The following APC variants were observed in gnomAD, a reference collection of about 807,000 sequenced individuals.
APC encodes the protein APC regulator of Wnt signaling pathway.
A neutral mutation model predicts 247.0 loss-of-function variants in APC; 72 were observed. That is an observed-to-expected ratio of 0.29 (90% CI 0.24 to 0.35). The LOEUF is 0.35. APC is among the 10% of genes least tolerant of loss of function. The pLI, the probability that APC is intolerant of heterozygous loss-of-function variation, is 1.00. For synonymous variants in APC, 1,254 were observed against 1,162.5 expected, an observed-to-expected ratio of 1.08 and a Z score of -1.60; for missense variants, 3,400 against 3,360.7, an observed-to-expected ratio of 1.01 and a Z score of -0.29.
At chr5:112,782,890 G>A (rs963980738) in intron 6 of APC, among the ~76,000 whole-genome samples, 3 of 151,926 alleles carry the variant, frequency 2.0e-5, no homozygotes, top group Non-Finnish European at 2.9e-5. Flanking sequence ...CTAAAATCAA[G>A]AATATATAAA....
chr5:112,833,631 A>G (rs1442199573), intron 14 of APC, among the ~76,000 whole-genome samples: 2 of 151,980 alleles, frequency 1.3e-5, no homozygotes, highest in African/African-American at 4.8e-5. Context: ...GCACATGGCA[A>G]GTTTTGACCA....
intron 6 of APC, among the ~76,000 whole-genome samples, chr5:112,784,548 T>C (rs1043552266): frequency 1.3e-5 from 2 of 152,224 alleles, no homozygotes; most frequent in Non-Finnish European, 2.9e-5. Flanking sequence ...TATTTTAAAT[T>C]ATTAAATGAA....
chr5:112,757,887 G>A (rs761466623), intron 2 of APC, among the ~76,000 whole-genome samples: 1 of 152,062 alleles, frequency 6.6e-6, no homozygotes, highest in African/African-American at 2.4e-5. Flanking sequence ...TGTATATTAA[G>A]GAAATATTTA....
chr5:112,716,327 T>C (rs529138971), intron 1 of APC, among the ~76,000 whole-genome samples: 1 of 152,216 alleles, frequency 6.6e-6, no homozygotes, highest in Non-Finnish European at 1.5e-5. Context: ...TTATGATTTA[T>C]ACTTTGACTT....
At chr5:112,728,492 T>C (rs1216682097) in intron 1 of APC, among the ~76,000 whole-genome samples, 1 of 152,188 alleles carries the variant, frequency 6.6e-6, no homozygotes, top group Non-Finnish European at 1.5e-5. Flanking sequence ...AGCCAAAATA[T>C]TGGACATCCC....
chr5:112,806,047 T>G (rs1159063052), intron 8 of APC, among the ~76,000 whole-genome samples: 1 of 152,182 alleles, frequency 6.6e-6, no homozygotes, highest in East Asian at 1.9e-4. Flanking sequence ...TTACTGGGCC[T>G]TCTCCTACCA....
At position 112,839,236 on chromosome 5, in the gene APC, C is replaced by A. The variant is rs1554085201; in HGVS notation, c.3642C>A (p.Ser1214Arg). The A allele has an allele frequency of 6.2e-7, 1 of 1,614,174 alleles. No homozygotes were observed. The highest frequency in any genetic ancestry group is 8.5e-7 in the Non-Finnish European group (1 of 1,180,036). Residue 1214 changes from serine to arginine, a missense_variant, in exon 16 of 16, where the codon AGC becomes AGA. Physicochemically the swap from Ser to Arg is moderately radical, Grantham distance 110. Around this residue, in one of 9 missense-constraint regions of APC, gnomAD observed 715 missense variants for 656.6 expected, o/e 1.09. Transcript: ENST00000257430. This position sits in a 1 kb window ranked among gnomAD's most constrained non-coding sequence, Gnocchi z 5.0. Reference protein sequence around the residue: ...QSSKTEHMSSSSENTSTPSSN... With the variant: ...QSSKTEHMSSRSENTSTPSSN... ...GTAAAACCGAACATATGTCTTCAAG[C>A]AGTGAGAATACGTCCACACCTTCAT...
Position 112,838,937 on chromosome 5 carries a change from G to C in APC, c.3343G>C (p.Val1115Leu), listed in dbSNP as rs763392909. ...AGCCAATGGTTCAGAAACAAATCGA[G>C]TGGGTTCTAATCATGGAATTAATCA... ...RGANGSETNRVGSNHGINQNV... is the reference protein window; with the variant it reads ...RGANGSETNRLGSNHGINQNV... Residue 1115 changes from valine to leucine, a missense_variant, in exon 16 of 16, where the codon GTG becomes CTG. Val to Leu is a conservative substitution (Grantham distance 32, BLOSUM62 1). This residue lies in a region of APC where 715 missense variants were observed against 656.6 expected (regional missense o/e 1.09). Coordinates refer to ENST00000257430, the MANE Select transcript of APC (RefSeq NM_000038.6). 6.2e-7 allele frequency: 1 copy of C among 1,614,080 alleles called. No homozygotes were observed. Among genetic ancestry groups the C allele is most frequent in the South Asian group, 1.1e-5 (1 of 91,084 alleles).
chr5:112,713,960 T>C (rs1194528141), intron 1 of APC, among the ~76,000 whole-genome samples: 1 of 152,206 alleles, frequency 6.6e-6, no homozygotes, highest in Non-Finnish European at 1.5e-5. Flanking sequence ...GCCGAGCCTA[T>C]ACGTAAGATT....
At position 112,844,700 on chromosome 5, in the gene APC, T is replaced by G. The variant is rs886059805; in HGVS notation, c.*574T>G. On this transcript the variant is annotated 3_prime_UTR_variant, in exon 16 of 16. Coordinates refer to ENST00000257430, the MANE Select transcript of APC (RefSeq NM_000038.6). ...TTTCAGAAGTAATGATTAACAGTTA[T>G]GTGGTCACATGATGTGCATAGAGAT... 4.3e-6 allele frequency: 1 copy of G among 232,642 alleles called. No individual in the cohort carries two copies. Among genetic ancestry groups the G allele is most frequent in the African/African-American group, 2.2e-5 (1 of 45,276 alleles). 14.4% of individuals were successfully genotyped at this position (232,642 alleles called of 1,614,324 possible).
chr5:112,813,957 G>A (rs751987264), intron 8 of APC, among the ~76,000 whole-genome samples: 5 of 152,104 alleles, frequency 3.3e-5, no homozygotes, highest in Admixed American at 6.6e-5. Context: ...ATATCTGAAA[G>A]ACAATTCGAA....
chr5:112,726,840 TA>T (rs1338215753), intron 1 of APC, among the ~76,000 whole-genome samples: 1 of 152,166 alleles, frequency 6.6e-6, no homozygotes, highest in Non-Finnish European at 1.5e-5. Flanking sequence ...TAAAAAGACT[TA>T]TAAAGTAAAT....
rs1425544145 is a variant in APC, at chr5:112,712,073, G to A, written c.165+4191G>A. Among the ~76,000 whole-genome samples the A allele has an allele frequency of 2.0e-5, 3 of 152,170 alleles. No individual in the cohort carries two copies. In the East Asian group the frequency reaches 5.8e-4, roughly 29 times the overall value. ...GTCTAGAGGGATGGAATTATCCTAA[G>A]TGGCTTAGCCAGTGGAGTGAATCTT... On this transcript the variant is annotated intron_variant, in intron 1 of 13. Transcript: ENST00000507379.
chr5:112,845,160 C>T lies in APC; in HGVS notation c.*1034C>T, dbSNP rs530874859. 1.7e-5 allele frequency: 4 copies of T among 232,496 alleles called. No individual in the cohort carries two copies. The highest frequency in any genetic ancestry group is 6.6e-5 in the African/African-American group (3 of 45,404). 14.4% of individuals were successfully genotyped at this position (232,496 alleles called of 1,614,324 possible). On this transcript the variant is annotated 3_prime_UTR_variant, in exon 16 of 16. Transcript: ENST00000257430. ...GAAGACTGTTGCCACTTAACCATTC[C>T]ATGCGTTGGCACTTATCTATTCCTG...
chr5:112,742,012 C>G (rs1305046590), intron 1 of APC, among the ~76,000 whole-genome samples: 4 of 152,144 alleles, frequency 2.6e-5, no homozygotes, highest in Non-Finnish European at 4.4e-5. Flanking sequence ...ACATTTTGTT[C>G]ATTCATCTGT....
chr5:112,757,968 A>G (rs1755183284), intron 2 of APC, among the ~76,000 whole-genome samples: 2 of 152,324 alleles, frequency 1.3e-5, no homozygotes, highest in Middle Eastern at 3.4e-3. Flanking sequence ...ATATTGAAAT[A>G]TTTACAAAGA....
intron 14 of APC, chr5:112,829,438 G>C (rs886202084): frequency 1.8e-5 from 3 of 169,534 alleles, no homozygotes; most frequent in African/African-American, 4.8e-5. Flanking sequence ...GCCCAGCCTA[G>C]ATTCCCTAAT....
intron 9 of APC, among the ~76,000 whole-genome samples, chr5:112,816,779 G>A (rs751180641): frequency 2.0e-5 from 3 of 149,320 alleles, no homozygotes; most frequent in Non-Finnish European, 4.5e-5. Flanking sequence ...GGCAACAAGA[G>A]CAAAACTCCA....
At chr5:112,832,645 C>T (rs112820634) in intron 14 of APC, among the ~76,000 whole-genome samples, 433 of 152,266 alleles carry the variant, frequency 2.8e-3, no homozygotes, top group Non-Finnish European at 3.8e-3. Context: ...AGTACTCCCG[C>T]GCTGATTCCC....
Sources: allele counts gnomAD v4.1 joint callset (sites outside exome capture counted in the v4.1 genomes callset), GRCh38; gene constraint gnomAD v4.1.1; regional missense constraint gnomAD v4.1.1; non-coding constraint Gnocchi (gnomAD v3.1); transcripts MANE v1.5; gene names NCBI Gene and HGNC (gene_info 2026-07-23, HGNC 2026-07-21).